The following ZNHIT1 variants were observed in gnomAD, a reference collection of about 807,000 sequenced individuals.
The protein encoded by ZNHIT1 is zinc finger HIT domain-containing protein 1.
A neutral mutation model predicts 21.4 loss-of-function variants in ZNHIT1; 20 were observed. That is an observed-to-expected ratio of 0.93 (90% CI 0.66 to 1.36). The LOEUF (loss-of-function observed/expected upper bound fraction) is 1.36, where lower values mean the gene tolerates loss of function less well. Among genes scored for constraint, ZNHIT1 ranks in the 40% most tolerant of loss-of-function variants. The probability of loss-of-function intolerance (pLI) is 0.00; values close to 1 mark genes in which losing one functional copy is unlikely to be tolerated. For synonymous variants in ZNHIT1, 79 were observed against 84.0 expected, an observed-to-expected ratio of 0.94 and a Z score of 0.32; for missense variants, 170 against 213.5, an observed-to-expected ratio of 0.80 and a Z score of 1.27.
At chr7:101,220,554 T>C (rs1798353208) in intron 1 of ZNHIT1, 1 of 152,198 alleles carries the variant, frequency 6.6e-6, no homozygotes, top group Non-Finnish European at 1.5e-5. Flanking sequence ...CCCATACAGC[T>C]GTTGTAAGGG....
Position 101,223,711 on chromosome 7 carries a change from C to A in ZNHIT1, c.312C>A (p.Ala104=). 4.3e-6 allele frequency: 7 copies of A among 1,612,196 alleles called. No individual in the cohort carries two copies. Among genetic ancestry groups the A allele is most frequent in the Non-Finnish European group, 5.9e-6 (7 of 1,179,146 alleles). The change falls in exon 4 of 5, where the codon GCC becomes GCA. Residue 104 remains alanine, a synonymous_variant. Transcript: ENST00000305105. ...SVAEGPNYLT[A]CAGPPSRPQR... ...CCGAGGGCCCTAACTACCTGACGGC[C>A]TGTGCGGGACCCCCATCGCGGCCCC...
rs1562899760 is a variant in ZNHIT1 at position 101,223,504 on chromosome 7, A to G, written c.221A>G (p.Asp74Gly). ...AAGAAAAAGAAGAAAACCCGAGGTGATCATTTTAAACTTCGCTTCCGAAAA... is the reference window on the plus strand; with the variant it reads ...AAGAAAAAGAAGAAAACCCGAGGTGGTCATTTTAAACTTCGCTTCCGAAAA... ...TGKKKKKTRG[D>G]HFKLRFRKNF... The change falls in exon 3 of 5, where the codon GAT becomes GGT. Residue 74 changes from aspartate (D) to glycine (G), a missense_variant. Physicochemically the swap from Asp to Gly is moderately conservative, Grantham distance 94. Coordinates refer to ENST00000305105, the MANE Select transcript of ZNHIT1 (RefSeq NM_006349.3). 1 of 1,614,220 alleles carries G rather than the reference A, an allele frequency of 6.2e-7. No individual in the cohort carries two copies. The highest frequency in any genetic ancestry group is 8.5e-7 in the Non-Finnish European group (1 of 1,180,034).
chr7:101,222,827 A>G (rs1798395076), intron 2 of ZNHIT1, 53 bp downstream of exon 2: 5 of 1,574,700 alleles, frequency 3.2e-6, no homozygotes, highest in Admixed American at 1.7e-5. Context: ...AGGGCGGGAG[A>G]GTCCGCCCAA....
At chr7:101,220,690 G>A (rs1403198742) in intron 1 of ZNHIT1, 1 of 152,214 alleles carries the variant, frequency 6.6e-6, no homozygotes, top group Non-Finnish European at 1.5e-5. Context: ...TGAATAAAGA[G>A]ATATATTATG....
chr7:101,218,531 C>G, intron 1 of ZNHIT1: 1 of 394,378 alleles, frequency 2.5e-6, no homozygotes, highest in Non-Finnish European at 4.6e-6. Context: ...CTGCGTGGGC[C>G]TTCCAAAGTG....
chr7:101,223,737 A>C lies in ZNHIT1; in HGVS notation c.338A>C (p.Gln113Pro). ...TACAGPPSRP[Q>P]RPFCAVCGFP... is the part of the protein sequence containing the mutation. The stretch of plus-strand genomic sequence containing the variant: ...TGTGCGGGACCCCCATCGCGGCCCC[A>C]GCGCCCCTTCTGTGCTGTCTGTGGC... Residue 113 changes from glutamine (Q) to proline (P), a missense_variant, in exon 4 of 5, where the codon CAG (glutamine) becomes CCG (proline). Physicochemically the swap from Gln to Pro is moderately conservative, Grantham distance 76 (BLOSUM62 -1). Transcript: ENST00000305105. The C allele has an allele frequency of 6.2e-7, 1 of 1,613,926 alleles. No homozygotes were observed. Among genetic ancestry groups the C allele is most frequent in the Non-Finnish European group, 8.5e-7 (1 of 1,179,956 alleles).
chr7:101,222,332 C>T (rs1193512164), intron 1 of ZNHIT1: 11 of 450,010 alleles, frequency 2.4e-5, no homozygotes, highest in African/African-American at 4.0e-5. Context: ...AGTGAGCTGT[C>T]TCCAGGCCGG....
intron 1 of ZNHIT1, chr7:101,221,654 A>G (rs1343080542): frequency 1.3e-5 from 2 of 152,390 alleles, no homozygotes; most frequent in Admixed American, 6.6e-5. Flanking sequence ...GGAAGAGTGC[A>G]TAGACTGAGC....
rs374990410 is a variant in ZNHIT1 at position 101,223,627 on chromosome 7, C to T, written c.274-46C>T. 33 of 1,613,174 alleles carry T rather than the reference C, an allele frequency of 2.0e-5. No individual in the cohort carries two copies. In the African/African-American group the frequency reaches 2.7e-4, roughly 13 times the overall value. On this transcript the variant is annotated intron_variant, in intron 3 of 4. Transcript: ENST00000305105. ...GCCTGGCCCGGGCAGGTGTTCGCTGCGTGGGTGGGCGGAGGAGTTCTAGAG... is the reference window on the plus strand; with the variant it reads ...GCCTGGCCCGGGCAGGTGTTCGCTGTGTGGGTGGGCGGAGGAGTTCTAGAG...
rs752215889 is a variant in ZNHIT1 at position 101,223,909 on chromosome 7, C to A, written c.444-28C>A. ...CACAGCCTCCCCAGACCTCTCTCCC[C>A]TCATCCTGGCTTCCCCTCTGTCTGC... On this transcript the variant is annotated intron_variant, in intron 4 of 4. Coordinates refer to ENST00000305105, the MANE Select transcript of ZNHIT1 (RefSeq NM_006349.3). 19 of 1,614,050 alleles carry A rather than the reference C, an allele frequency of 1.2e-5. No homozygotes were observed. In the Admixed American group the frequency reaches 3.0e-4, roughly 25 times the overall value.
chr7:101,222,591 C>T lies in ZNHIT1; in HGVS notation c.23-13C>T, dbSNP rs750063935. 1.9e-6 allele frequency: 3 copies of T among 1,608,578 alleles called. No individual in the cohort carries two copies. The highest frequency in any genetic ancestry group is 2.7e-5 in the African/African-American group (2 of 74,764). ...TGGAAGCCCTGTAACTTTGCGTGCC[C>T]TGCTCCATCCAGTTCGCTCCCAGGA... On this transcript the variant is annotated splice_polypyrimidine_tract_variant and intron_variant, in intron 1 of 4. Transcript: ENST00000305105.
chr7:101,223,586 C>T, intron 3 of ZNHIT1, 30 bp downstream of exon 3: 1 of 1,614,086 alleles, frequency 6.2e-7, no homozygotes, highest in Non-Finnish European at 8.5e-7. Context: ...GGGAGGACCC[C>T]ACAGGGAAGG....
rs779497178 is a variant in ZNHIT1, at chr7:101,222,821, C to T, written c.193+47C>T. 9 of 1,582,312 alleles carry T rather than the reference C, an allele frequency of 5.7e-6. No homozygotes were observed. In the East Asian group the frequency reaches 6.8e-5, roughly 12 times the overall value. ...GCGGGGGATGGGACTGAGAGGAGGG[C>T]GGGAGAGTCCGCCCAACTCAGGCTG... is the stretch of plus-strand genomic sequence containing the variant. On this transcript the variant is annotated intron_variant, in intron 2 of 4. Transcript: ENST00000305105.
At position 101,223,731 on chromosome 7, in the gene ZNHIT1, G is replaced by C; in HGVS notation, c.332G>C (p.Arg111Pro). 6.2e-7 allele frequency: 1 copy of C among 1,613,650 alleles called. No homozygotes were observed. The highest frequency in any genetic ancestry group is 8.5e-7 in the Non-Finnish European group (1 of 1,179,850). The change falls in exon 4 of 5, where the codon CGG becomes CCG. Residue 111 changes from arginine to proline, a missense_variant. Coordinates refer to ENST00000305105, the MANE Select transcript of ZNHIT1 (RefSeq NM_006349.3). ...ACGGCCTGTGCGGGACCCCCATCGC[G>C]GCCCCAGCGCCCCTTCTGTGCTGTC... Reference protein sequence around the residue: ...YLTACAGPPSRPQRPFCAVCG... With the variant: ...YLTACAGPPSPPQRPFCAVCG...
intron 1 of ZNHIT1, chr7:101,219,221 A>G (rs1040512467): frequency 9.9e-5 from 15 of 151,792 alleles, no homozygotes; most frequent in African/African-American, 3.4e-4. Flanking sequence ...CTTCCACCTC[A>G]GCCACCTGAG....
In ZNHIT1 at chr7:101,223,467, T is replaced by A; in HGVS notation, c.194-10T>A. Reference sequence around the variant, plus strand: ...CAAGTGCCAAGCAACGGATCACCCTTGACCCCTAGGAAAGAAAAAGAAGAA... The same window carrying A: ...CAAGTGCCAAGCAACGGATCACCCTAGACCCCTAGGAAAGAAAAAGAAGAA... On this transcript the variant is annotated splice_polypyrimidine_tract_variant and intron_variant, in intron 2 of 4. Coordinates refer to ENST00000305105, the MANE Select transcript of ZNHIT1 (RefSeq NM_006349.3). 6.2e-7 allele frequency: 1 copy of A among 1,614,106 alleles called. No homozygotes were observed. The highest frequency in any genetic ancestry group is 8.5e-7 in the Non-Finnish European group (1 of 1,179,980).
intron 2 of ZNHIT1, 103 bp from the exon 3 acceptor site, chr7:101,223,374 C>G (rs1015189588): frequency 1.5e-5 from 20 of 1,307,952 alleles, no homozygotes; most frequent in Non-Finnish European, 2.2e-5. Flanking sequence ...GAGACTGTCT[C>G]AAAAAGAACC....
At position 101,224,004 on chromosome 7, in the gene ZNHIT1, C is replaced by A. The variant is rs1210023803; in HGVS notation, c.*46C>A. On this transcript the variant is annotated 3_prime_UTR_variant, in exon 5 of 5. Coordinates refer to ENST00000305105, the MANE Select transcript of ZNHIT1 (RefSeq NM_006349.3). ...GAAGGGCCGCTGTGCACTGCCCGGCCTTCAGAAAGACAGAATTTCATCACC... is the reference window on the plus strand; with the variant it reads ...GAAGGGCCGCTGTGCACTGCCCGGCATTCAGAAAGACAGAATTTCATCACC... 2 of 1,613,834 alleles carry A rather than the reference C, an allele frequency of 1.2e-6. No individual in the cohort carries two copies. Among genetic ancestry groups the A allele is most frequent in the East Asian group, 4.5e-5 (2 of 44,894 alleles).
In ZNHIT1 at chr7:101,222,638, G is replaced by C. The variant is rs1376344319; in HGVS notation, c.57G>C (p.Leu19=). The C allele has an allele frequency of 2.5e-6, 4 of 1,613,108 alleles. No individual in the cohort carries two copies. The African/African-American group carries it at 4.0e-5, about 16-fold the overall frequency. ...RSQDPGQRRV[L]DRAARQRRIN... ...AGGACCCCGGGCAGCGGCGGGTGCT[G>C]GACCGGGCTGCCCGGCAGCGTCGCA... Residue 19 remains leucine, a synonymous_variant, in exon 2 of 5, where the codon CTG becomes CTC. Transcript: ENST00000305105.
Sources: allele counts gnomAD v4.1 joint callset, GRCh38; gene constraint gnomAD v4.1.1; transcripts MANE v1.5; gene names NCBI Gene and HGNC (gene_info 2026-07-23, HGNC 2026-07-21).